Variants in AKAP12 observed in about 807,000 individuals in gnomAD.
The protein encoded by AKAP12 is A-kinase anchoring protein 12.
AKAP12 carries 32 observed loss-of-function variants against 79.9 expected under a neutral mutation model. The observed-to-expected ratio is 0.40, with a 90% CI of 0.30 to 0.54. The LOEUF (loss-of-function observed/expected upper bound fraction) is 0.54, where lower values mean the gene tolerates loss of function less well. AKAP12 is among the 20% of genes least tolerant of loss of function. AKAP12 has a pLI of 0.48. For missense variants in AKAP12, 2,074 were observed against 2,177.0 expected (o/e 0.95, Z 0.94); for synonymous variants, 808 against 857.0 (o/e 0.94, Z 1.00).
In AKAP12 at chr6:151,240,385, A is replaced by C; in HGVS notation, c.-178A>C. ...TTTTTTTTTTCCTTTTCTTTTAAGG[A>C]GTTTGCCGCGAGCGCGTCTCCTTCA... On this transcript the variant is annotated splice_region_variant and 5_prime_UTR_variant, in exon 2 of 5. Coordinates refer to ENST00000402676, the MANE Select transcript of AKAP12 (RefSeq NM_005100.4). 4 of 462,646 alleles carry C rather than the reference A, an allele frequency of 8.6e-6. No individual in the cohort carries two copies. The highest frequency in any genetic ancestry group is 1.0e-5 in the Non-Finnish European group (3 of 293,574). The allele number at this position is 462,646 out of a possible 1,614,324, so 28.7% of individuals were successfully genotyped here.
At position 151,351,453 on chromosome 6, in the gene AKAP12, C is replaced by T. The variant is rs758441762; in HGVS notation, c.3062C>T (p.Pro1021Leu). ...DSPDTTEEATPVQEVEGGVPD... is the reference protein window; with the variant it reads ...DSPDTTEEATLVQEVEGGVPD... ...CCAGACACCACAGAGGAGGCCACTC[C>T]GGTGCAGGAGGTGGAAGGTGGCGTA... Residue 1021 changes from proline to leucine, a missense_variant, in exon 4 of 5, where the codon CCG (proline) becomes CTG (leucine). By Grantham distance (98) the Pro-to-Leu change is moderately conservative (BLOSUM62 -3). Coordinates refer to ENST00000402676, the MANE Select transcript of AKAP12 (RefSeq NM_005100.4). The surrounding 1 kb of genome is among the most constrained non-coding windows in gnomAD (Gnocchi z 4.4). 5.1e-5 allele frequency: 82 copies of T among 1,614,064 alleles called. No homozygotes were observed. The highest frequency in any genetic ancestry group is 3.3e-4 in the Middle Eastern group (2 of 6,084).
chr6:151,352,597 A>G lies in AKAP12; in HGVS notation c.4206A>G (p.Gln1402=), dbSNP rs1479827725. ...GAAGCCCTCCTCCCTGCCTAGGTCAAGAGGAGGCAGTATGCACCAAAATTC... is the reference window on the plus strand; with the variant it reads ...GAAGCCCTCCTCCCTGCCTAGGTCAGGAGGAGGCAGTATGCACCAAAATTC... ...LEGSPPPCLG[Q]EEAVCTKIQV... Residue 1402 remains glutamine, a synonymous_variant, in exon 4 of 5, where the codon CAA becomes CAG. Coordinates refer to ENST00000402676, the MANE Select transcript of AKAP12 (RefSeq NM_005100.4). 1.2e-6 allele frequency: 2 copies of G among 1,614,194 alleles called. No homozygotes were observed. Among genetic ancestry groups the G allele is most frequent in the Admixed American group, 3.3e-5 (2 of 60,028 alleles).
chr6:151,250,495 A>G (rs1053492204), intron 2 of AKAP12, among the ~76,000 whole-genome samples: 1 of 151,204 alleles, frequency 6.6e-6, no homozygotes, highest in African/African-American at 2.4e-5. Context: ...GTGAGACTCC[A>G]TCTTAAAATA....
rs1033834822 is a variant in AKAP12 at position 151,341,626 on chromosome 6, C to T, written c.320-7085C>T. The T allele has an allele frequency of 5.1e-6, 5 of 983,646 alleles. No individual in the cohort carries two copies. In the African/African-American group the frequency reaches 8.9e-5, roughly 18 times the overall value. 60.9% of individuals were successfully genotyped at this position (983,646 alleles called of 1,614,324 possible). On this transcript the variant is annotated intron_variant, in intron 3 of 4. Transcript: ENST00000402676. Reference sequence around the variant, plus strand: ...GGGGCGCGCTGGGCCTCACGGGCGGCTGTTGGGCTGCCCCTGCCGGCGGGC... The same window carrying T: ...GGGGCGCGCTGGGCCTCACGGGCGGTTGTTGGGCTGCCCCTGCCGGCGGGC...
intron 3 of AKAP12, among the ~76,000 whole-genome samples, chr6:151,340,000 C>G (rs1433916098): frequency 6.6e-6 from 1 of 151,860 alleles, no homozygotes; most frequent in Non-Finnish European, 1.5e-5. Context: ...GATCTCAGCT[C>G]ACTGCGAGCC....
Position 151,351,150 on chromosome 6 carries a change from A to G in AKAP12, c.2759A>G (p.Glu920Gly), listed in dbSNP as rs13212161. The change falls in exon 4 of 5, where the codon GAA (glutamate) becomes GGA (glycine). Residue 920 changes from glutamate to glycine, a missense_variant. Transcript: ENST00000402676. The surrounding 1 kb of genome is among the most constrained non-coding windows in gnomAD (Gnocchi z 4.4). ...SPSWISASVT[E>G]PLEQVEAEAA... ...TCTTGGATATCTGCTTCAGTGACAG[A>G]ACCTCTTGAACAAGTAGAAGCTGAA... 0.093 allele frequency: 149,990 copies of G among 1,614,126 alleles called. 7,888 individuals carry two copies. Among genetic ancestry groups the G allele is most frequent in the Middle Eastern group, 0.21 (1,268 of 6,062 alleles).
intron 2 of AKAP12, among the ~76,000 whole-genome samples, chr6:151,278,964 G>A (rs377287565): frequency 3.9e-5 from 6 of 152,366 alleles, no homozygotes; most frequent in East Asian, 1.9e-4. Flanking sequence ...ACCGCGCCCG[G>A]CGGTAGTATC....
chr6:151,335,684 C>T (rs964172482), intron 3 of AKAP12, among the ~76,000 whole-genome samples: 1 of 152,074 alleles, frequency 6.6e-6, no homozygotes, highest in African/African-American at 2.4e-5. Flanking sequence ...TTGCCCAAAG[C>T]TGGTCTCAGA....
At chr6:151,240,853 G>A in intron 2 of AKAP12, 129 bp downstream of exon 2, 1 of 892,394 alleles carries the variant, frequency 1.1e-6, no homozygotes, top group Non-Finnish European at 1.5e-6. Flanking sequence ...GCAAACTCAG[G>A]AGTGCGAACC....
Position 151,352,236 on chromosome 6 carries a change from A to C in AKAP12, c.3845A>C (p.Glu1282Ala). ...DEKTKDVPFF[E>A]GLEGSIDTGI... ...AAAACCAAAGACGTACCATTTTTCGAAGGACTTGAGGGGTCTATAGACACA... is the reference window on the plus strand; with the variant it reads ...AAAACCAAAGACGTACCATTTTTCGCAGGACTTGAGGGGTCTATAGACACA... Residue 1282 changes from glutamate to alanine, a missense_variant, in exon 4 of 5, where the codon GAA (glutamate) becomes GCA (alanine). By Grantham distance (107) the Glu-to-Ala change is moderately radical. Transcript: ENST00000402676. 1.2e-6 allele frequency: 2 copies of C among 1,614,160 alleles called. No homozygotes were observed. Among genetic ancestry groups the C allele is most frequent in the Non-Finnish European group, 1.7e-6 (2 of 1,180,026 alleles).
At chr6:151,322,142 T>A (rs1777411751) in intron 3 of AKAP12, among the ~76,000 whole-genome samples, 1 of 152,040 alleles carries the variant, frequency 6.6e-6, no homozygotes, top group Non-Finnish European at 1.5e-5. Flanking sequence ...ACTCCTGATC[T>A]CGTGATCTGC....
At chr6:151,324,502 C>T in intron 3 of AKAP12, 1 of 985,414 alleles carries the variant, frequency 1.0e-6, no homozygotes, top group Non-Finnish European at 1.2e-6. Context: ...TGTTCCTCGC[C>T]CACCCTTCTC....
intron 3 of AKAP12, among the ~76,000 whole-genome samples, chr6:151,313,844 A>G (rs1048008837): frequency 4.6e-5 from 7 of 152,134 alleles, no homozygotes; most frequent in African/African-American, 1.4e-4. Context: ...GTTTTCATCT[A>G]TGAAATGAGC....
intron 3 of AKAP12, among the ~76,000 whole-genome samples, chr6:151,318,705 G>A (rs1401716981): frequency 6.6e-6 from 1 of 152,174 alleles, no homozygotes; most frequent in Non-Finnish European, 1.5e-5. Context: ...GGAGGCCAAG[G>A]TGGGAGGATC....
At position 151,351,582 on chromosome 6, in the gene AKAP12, A is replaced by C. The variant is rs1444190650; in HGVS notation, c.3191A>C (p.Asp1064Ala). Residue 1064 changes from aspartate (D) to alanine (A), a missense_variant, in exon 4 of 5, where the codon GAT becomes GCT. By Grantham distance (126) the Asp-to-Ala change is moderately radical (BLOSUM62 -2). This residue lies in a region of AKAP12 where 1,428 missense variants were observed against 1,451.0 expected (regional missense o/e 0.98). Transcript: ENST00000402676. This position sits in a 1 kb window ranked among gnomAD's most constrained non-coding sequence, Gnocchi z 4.4. Reference sequence around the variant, plus strand: ...CTGCCTGGCACCGGTGGGCCAGAAGATGTGCTTCAGCCTGTGCAGAGAGCA... The same window carrying C: ...CTGCCTGGCACCGGTGGGCCAGAAGCTGTGCTTCAGCCTGTGCAGAGAGCA... ...SQLPGTGGPE[D>A]VLQPVQRAEA... The C allele has an allele frequency of 6.2e-7, 1 of 1,614,022 alleles. No homozygotes were observed. The highest frequency in any genetic ancestry group is 1.7e-5 in the Admixed American group (1 of 60,002).
At chr6:151,249,502 G>A (rs1797135353) in intron 2 of AKAP12, among the ~76,000 whole-genome samples, 1 of 152,156 alleles carries the variant, frequency 6.6e-6, no homozygotes. Context: ...TTCTTTACTA[G>A]CTTCTGTACT....
intron 3 of AKAP12, among the ~76,000 whole-genome samples, chr6:151,321,960 G>A (rs1297687585): frequency 1.4e-5 from 2 of 145,268 alleles, no homozygotes; most frequent in Non-Finnish European, 1.5e-5. Flanking sequence ...CCAGGCTGGA[G>A]TGCAGTGGTG....
At chr6:151,355,280 C>T (rs1778414188) in intron 4 of AKAP12, among the ~76,000 whole-genome samples, 1 of 151,848 alleles carries the variant, frequency 6.6e-6, no homozygotes, top group South Asian at 2.1e-4. Flanking sequence ...TGAGCCACCG[C>T]ACCCAGCCCT....
chr6:151,286,925 C>T (rs1776515775), intron 2 of AKAP12, among the ~76,000 whole-genome samples: 1 of 151,930 alleles, frequency 6.6e-6, no homozygotes, highest in African/African-American at 2.4e-5. Flanking sequence ...ATGGGGTAAG[C>T]ATATTTTCTT....
Sources: allele counts gnomAD v4.1 joint callset (sites outside exome capture counted in the v4.1 genomes callset), GRCh38; gene constraint gnomAD v4.1.1; regional missense constraint gnomAD v4.1.1; non-coding constraint Gnocchi (gnomAD v3.1); transcripts MANE v1.5; gene names NCBI Gene and HGNC (gene_info 2026-07-23, HGNC 2026-07-21).